TENM3: variants seen among roughly 807,000 people sequenced by gnomAD.
The protein encoded by TENM3 is teneurin transmembrane protein 3.
Under a neutral mutation model 255.1 loss-of-function variants are expected in TENM3, and 63 were observed. The observed-to-expected ratio is 0.25, with a 90% CI of 0.20 to 0.30. The LOEUF is 0.30. Ranked by LOEUF, TENM3 falls within the 10% of genes least tolerant of loss-of-function variation. The pLI is 1.00. For synonymous variants in TENM3, 1,306 were observed against 1,322.3 expected, an observed-to-expected ratio of 0.99 and a Z score of 0.27; for missense variants, 2,929 against 3,461.1, an observed-to-expected ratio of 0.85 and a Z score of 3.86.
chr4:181,882,121 C>T, the TENM3 span, among the ~76,000 whole-genome samples: 1 of 152,164 alleles, frequency 6.6e-6, no homozygotes, highest in Non-Finnish European at 1.5e-5. Context: ...TGAGTCCCCC[C>T]CGTTCGCCTG....
the TENM3 span, among the ~76,000 whole-genome samples, chr4:181,569,465 T>A: frequency 2.6e-5 from 4 of 152,318 alleles, no homozygotes; most frequent in Middle Eastern, 3.4e-3. Flanking sequence ...GATTGTAGAA[T>A]CTCTGTCATG....
intron 3 of TENM3, among the ~76,000 whole-genome samples, chr4:182,493,381 A>G (rs4861514): frequency 0.24 from 36,834 of 152,060 alleles, 5,394 homozygotes; most frequent in South Asian, 0.34. Context: ...GATATTTAGG[A>G]TTTCATTTTG....
At chr4:181,458,259 A>C in the TENM3 span, among the ~76,000 whole-genome samples, 17 of 152,020 alleles carry the variant, frequency 1.1e-4, no homozygotes, top group Non-Finnish European at 2.1e-4. Context: ...ACAAGATAGA[A>C]TATTACTGCT....
intron 17 of TENM3, among the ~76,000 whole-genome samples, chr4:182,737,762 A>AT (rs1761284139): frequency 6.6e-6 from 1 of 152,226 alleles, no homozygotes; most frequent in Admixed American, 6.5e-5. Context: ...TCTGAAATTA[A>AT]TAGGTAATTT....
At chr4:182,161,723 A>ATATATATG (rs1751246708) in intron 1 of TENM3, among the ~76,000 whole-genome samples, 1 of 124 alleles carries the variant, frequency 8.1e-3, no homozygotes, top group Non-Finnish European at 0.023. Flanking sequence ...ATATATGTGT[A>ATATATATG]TATATATATA....
intron 7 of TENM3, among the ~76,000 whole-genome samples, chr4:182,675,454 T>C (rs533280405): frequency 6.6e-5 from 10 of 151,966 alleles, no homozygotes; most frequent in African/African-American, 1.9e-4. Flanking sequence ...GGCAGGAGAA[T>C]TGCTTGAACC....
intron 4 of TENM3, among the ~76,000 whole-genome samples, chr4:182,619,307 T>C (rs1749868662): frequency 6.6e-6 from 1 of 152,006 alleles, no homozygotes; most frequent in Non-Finnish European, 1.5e-5. Context: ...GGCACATACC[T>C]GTAGTCCCAG....
intron 1 of TENM3, among the ~76,000 whole-genome samples, chr4:182,159,711 T>A (rs1750977744): frequency 6.6e-6 from 1 of 152,128 alleles, no homozygotes; most frequent in African/African-American, 2.4e-5. Context: ...GCTGAGAGGC[T>A]GTTCCAGTCC....
chr4:181,552,473 C>A, the TENM3 span, among the ~76,000 whole-genome samples: 1 of 152,112 alleles, frequency 6.6e-6, no homozygotes, highest in East Asian at 1.9e-4. Flanking sequence ...GGTTCTAATC[C>A]CTGATTCAGA....
At chr4:182,615,129 TTG>T (rs146363760) in intron 4 of TENM3, among the ~76,000 whole-genome samples, 1 of 150,082 alleles carries the variant, frequency 6.7e-6, no homozygotes. Context: ...GAGATTATAT[TTG>T]TGTGTGTGTG....
intron 3 of TENM3, among the ~76,000 whole-genome samples, chr4:182,428,542 G>T (rs1375545465): frequency 6.6e-6 from 1 of 151,594 alleles, no homozygotes; most frequent in African/African-American, 2.4e-5. Context: ...GATGCCAATA[G>T]TTGGAGTTCT....
the TENM3 span, among the ~76,000 whole-genome samples, chr4:181,809,285 A>G: frequency 1.3e-5 from 2 of 152,252 alleles, no homozygotes; most frequent in Non-Finnish European, 2.9e-5. Flanking sequence ...ACCACTGCAC[A>G]GCAGAGTGGA....
chr4:182,033,898 C>CTT, the TENM3 span, among the ~76,000 whole-genome samples: 2 of 152,222 alleles, frequency 1.3e-5, no homozygotes, highest in East Asian at 1.9e-4. Flanking sequence ...GTAAATTTTC[C>CTT]TCTATCCCTT....
At chr4:181,727,077 C>T in the TENM3 span, among the ~76,000 whole-genome samples, 4 of 152,272 alleles carry the variant, frequency 2.6e-5, no homozygotes, top group East Asian at 1.9e-4. Context: ...CAACTCCATG[C>T]CTCTTGGGTT....
the TENM3 span, among the ~76,000 whole-genome samples, chr4:182,124,602 A>G: frequency 6.6e-6 from 1 of 152,184 alleles, no homozygotes; most frequent in Non-Finnish European, 1.5e-5. Flanking sequence ...TCAGTGAAGG[A>G]GGCTGAAAAG....
intron 3 of TENM3, among the ~76,000 whole-genome samples, chr4:182,483,507 T>C (rs1286248844): frequency 6.6e-6 from 1 of 152,216 alleles, no homozygotes; most frequent in African/African-American, 2.4e-5. Context: ...TAACCATTGT[T>C]TCTAGAAATT....
chr4:182,614,204 G>T (rs976368608), intron 4 of TENM3, among the ~76,000 whole-genome samples: 4 of 152,088 alleles, frequency 2.6e-5, no homozygotes, highest in African/African-American at 9.7e-5. Context: ...AATAATAGAA[G>T]AGGCACTTTA....
chr4:181,972,436 CAA>C, the TENM3 span, among the ~76,000 whole-genome samples: 29 of 115,078 alleles, frequency 2.5e-4, no homozygotes, highest in Admixed American at 3.9e-4. Flanking sequence ...CCTCCTTGTC[CAA>C]AAAAAAAAAA....
chr4:181,854,889 T>C, the TENM3 span, among the ~76,000 whole-genome samples: 3 of 152,124 alleles, frequency 2.0e-5, no homozygotes, highest in East Asian at 5.8e-4. Flanking sequence ...GACTACAGAG[T>C]ACGCGTTAGC....
Sources: gnomAD v4.1 joint callset for allele counts (sites outside exome capture counted in the v4.1 genomes callset) on GRCh38, gnomAD v4.1.1 for gene constraint, MANE v1.5 for transcripts, NCBI Gene and HGNC (gene_info 2026-07-23, HGNC 2026-07-21) for gene names.